The following PKHD1L1 variants were observed in gnomAD, a reference collection of about 807,000 sequenced individuals.
PKHD1L1 encodes the protein fibrocystin-L.
Under a neutral mutation model 462.9 loss-of-function variants are expected in PKHD1L1, and 434 were observed. The ratio of observed to expected loss-of-function variants is 0.94; its 90% CI spans 0.87 to 1.02. The LOEUF is 1.02. PKHD1L1 is among the 50% of genes least tolerant of loss of function. The pLI, the probability that PKHD1L1 is intolerant of heterozygous loss-of-function variation, is 0.00. For synonymous variants in PKHD1L1, 1,781 were observed against 1,750.0 expected (o/e 1.02, Z -0.44); for missense variants, 5,202 against 5,096.1 (o/e 1.02, Z -0.63).
chr8:109,479,623 T>C lies in PKHD1L1; in HGVS notation c.9162T>C (p.Asn3054=). ...NNYTVPHPGA[N]VIIPEGTWIV... is the part of the protein sequence containing the mutation. ...ATACTGTACCTCACCCAGGGGCAAA[T>C]GTGATTATACCTGAAGGTAAATGCG... The change falls in exon 54 of 78, where the codon AAT becomes AAC. Residue 3054 remains asparagine, a synonymous_variant. Transcript: ENST00000378402. 6.6e-7 allele frequency: 1 copy of C among 1,511,362 alleles called. No homozygotes were observed. Among genetic ancestry groups the C allele is most frequent in the Non-Finnish European group, 9.1e-7 (1 of 1,097,674 alleles). 93.6% of individuals were successfully genotyped at this position (1,511,362 alleles called of 1,614,324 possible).
rs779002879 is a variant in PKHD1L1, at chr8:109,466,604, C to T, written c.8440C>T (p.His2814Tyr). The change falls in exon 50 of 78, where the codon CAC (histidine) becomes TAC (tyrosine). Residue 2814 changes from histidine (H) to tyrosine (Y), a missense_variant. This residue lies in a region of PKHD1L1 where 4,497 missense variants were observed against 4,336.8 expected (regional missense o/e 1.04). Coordinates refer to ENST00000378402, the MANE Select transcript of PKHD1L1 (RefSeq NM_177531.6). Reference sequence around the variant, plus strand: ...GCACAAAGGACATACCGTCATTCCACACAGCTCATTGCTAGACCCTTCTCA... The same window carrying T: ...GCACAAAGGACATACCGTCATTCCATACAGCTCATTGCTAGACCCTTCTCA... The part of the protein sequence containing the change: ...TGHKGHTVIP[H>Y]SSLLDPSHCT... The T allele has an allele frequency of 6.2e-7, 1 of 1,604,758 alleles. No individual in the cohort carries two copies. The highest frequency in any genetic ancestry group is 1.7e-5 in the Admixed American group (1 of 58,340).
At chr8:109,480,659 C>G (rs931222178) in intron 55 of PKHD1L1, 1 of 452,238 alleles carries the variant, frequency 2.2e-6, no homozygotes, top group African/African-American at 2.0e-5. Context: ...GCTCGATTGT[C>G]CTGTCAGTCT....
At chr8:109,498,830 G>A (rs1819260576) in intron 67 of PKHD1L1, 59 bp downstream of exon 67, 3 of 1,353,840 alleles carry the variant, frequency 2.2e-6, no homozygotes, top group Non-Finnish European at 3.1e-6. Flanking sequence ...ATATGTAGAG[G>A]ATAACTAATA....
At chr8:109,364,902 C>A (rs1186130315) in intron 2 of PKHD1L1, among the ~76,000 whole-genome samples, 5 of 152,062 alleles carry the variant, frequency 3.3e-5, no homozygotes, top group Admixed American at 6.6e-5. Flanking sequence ...ATGCAATTAA[C>A]CCAACTCAGC....
intron 5 of PKHD1L1, among the ~76,000 whole-genome samples, 156 bp from the exon 6 acceptor site, chr8:109,385,381 C>T (rs1255248058): frequency 1.3e-5 from 2 of 151,664 alleles, no homozygotes; most frequent in Admixed American, 6.6e-5. Flanking sequence ...ATTGTGTTTG[C>T]TAGAACTTTC....
At chr8:109,389,332 G>C (rs1042047148) in intron 8 of PKHD1L1, among the ~76,000 whole-genome samples, 180 bp downstream of exon 8, 2 of 152,010 alleles carry the variant, frequency 1.3e-5, no homozygotes, top group African/African-American at 4.8e-5. Flanking sequence ...GTATGAATCA[G>C]TATTTTCTTA....
Position 109,535,923 on chromosome 8 carries a change from A to C in PKHD1L1, c.*5833A>C, listed in dbSNP as rs1821137342. Among the ~76,000 whole-genome samples, 1 of 152,222 alleles carries C rather than the reference A, an allele frequency of 6.6e-6. No homozygotes were observed. Among genetic ancestry groups the C allele is most frequent in the Non-Finnish European group, 1.5e-5 (1 of 68,042 alleles). ...CCTGGAGAGAGAGGGGAAGGATTGT[A>C]AGTGTCATAGTTCTGACAGCTGCTC... is the stretch of plus-strand genomic sequence containing the variant. On this transcript the variant is annotated 3_prime_UTR_variant, in exon 78 of 78. Coordinates refer to ENST00000378402, the MANE Select transcript of PKHD1L1 (RefSeq NM_177531.6).
intron 32 of PKHD1L1, among the ~76,000 whole-genome samples, 194 bp from the exon 33 acceptor site, chr8:109,440,516 T>C (rs1348820680): frequency 2.0e-5 from 3 of 152,118 alleles, no homozygotes; most frequent in African/African-American, 7.2e-5. Context: ...ATTTTCATAG[T>C]TAGGGAAAAT....
rs755655302 is a variant in PKHD1L1 at position 109,465,017 on chromosome 8, G to T, written c.8185G>T (p.Val2729Phe). The change falls in exon 49 of 78, where the codon GTT (valine) becomes TTT (phenylalanine). Residue 2729 changes from valine to phenylalanine, a missense_variant. Physicochemically the swap from Val to Phe is conservative, Grantham distance 50 (BLOSUM62 -1). Around this residue, in one of 3 missense-constraint regions of PKHD1L1, gnomAD observed 4,497 missense variants for 4,336.8 expected, o/e 1.04. Coordinates refer to ENST00000378402, the MANE Select transcript of PKHD1L1 (RefSeq NM_177531.6). ...GSAFCTAKGLVLPFSEGLTVS... is the reference protein window; with the variant it reads ...GSAFCTAKGLFLPFSEGLTVS... ...TGCATTTTGCACAGCAAAAGGCCTG[G>T]TTCTCCCATTTAGTGAAGGCTTGAC... The T allele has an allele frequency of 8.1e-6, 13 of 1,613,814 alleles. No homozygotes were observed. Among genetic ancestry groups the T allele is most frequent in the Non-Finnish European group, 1.1e-5 (13 of 1,179,790 alleles).
intron 20 of PKHD1L1, among the ~76,000 whole-genome samples, 189 bp from the exon 21 acceptor site, chr8:109,413,232 G>A (rs1293553714): frequency 6.6e-6 from 1 of 152,036 alleles, no homozygotes; most frequent in Non-Finnish European, 1.5e-5. Context: ...ACCTCACTTT[G>A]TCTGTAAAAT....
chr8:109,463,897 A>G (rs1179984909), intron 48 of PKHD1L1, among the ~76,000 whole-genome samples: 1 of 152,204 alleles, frequency 6.6e-6, no homozygotes, highest in African/African-American at 2.4e-5. Context: ...AAAGTAAAGT[A>G]AAAGAGGAAA....
At chr8:109,397,491 T>C (rs1813037625) in intron 11 of PKHD1L1, among the ~76,000 whole-genome samples, 1 of 151,530 alleles carries the variant, frequency 6.6e-6, no homozygotes, top group Admixed American at 6.6e-5. Flanking sequence ...GACTAGGTAA[T>C]GCAGAGAGAT....
chr8:109,438,538 T>C (rs1374121504), intron 31 of PKHD1L1, 82 bp downstream of exon 31: 6 of 1,316,926 alleles, frequency 4.6e-6, no homozygotes, highest in Non-Finnish European at 6.1e-6. Context: ...CATAGTTTCT[T>C]CTGTAGTTTT....
chr8:109,364,445 A>G lies in PKHD1L1; in HGVS notation c.74-102A>G, dbSNP rs1811127204. 10 of 816,326 alleles carry G rather than the reference A, an allele frequency of 1.2e-5. No homozygotes were observed. In the South Asian group the frequency reaches 1.3e-4, roughly 10 times the overall value. The allele number at this position is 816,326 out of a possible 1,614,324, so 50.6% of individuals were successfully genotyped here. A position where few individuals can be genotyped will look rare whatever the true frequency, so the allele number is the denominator to read the frequency against. On this transcript the variant is annotated intron_variant, in intron 1 of 77. Transcript: ENST00000378402. ...TTTTACTTTCAATCCTGTAAACTTC[A>G]TAATGTTTTCCTTGCAACCTTGTGG...
chr8:109,471,074 A>T, intron 50 of PKHD1L1: 2 of 1,567,518 alleles, frequency 1.3e-6, no homozygotes, highest in Non-Finnish European at 1.8e-6. Flanking sequence ...TTCTCCTCAA[A>T]TTCCTCATCA....
chr8:109,402,076 G>A (rs1235146833), intron 14 of PKHD1L1, among the ~76,000 whole-genome samples: 1 of 152,112 alleles, frequency 6.6e-6, no homozygotes, highest in African/African-American at 2.4e-5. Context: ...TTCATTTAGT[G>A]TTGAAAGGTC....
intron 38 of PKHD1L1, among the ~76,000 whole-genome samples, chr8:109,446,993 G>A (rs1179616622): frequency 2.6e-5 from 4 of 152,178 alleles, no homozygotes; most frequent in African/African-American, 2.4e-5. Flanking sequence ...GGAGGCTGAG[G>A]CTGGCGGATT....
chr8:109,396,265 T>C (rs1467774359), intron 11 of PKHD1L1, 128 bp downstream of exon 11: 3 of 699,342 alleles, frequency 4.3e-6, no homozygotes, highest in South Asian at 3.9e-5. Context: ...TATTTTCACA[T>C]AGTCATTTGG....
At chr8:109,448,466 TA>T (rs1816288325) in intron 39 of PKHD1L1, 75 bp downstream of exon 39, 2 of 1,389,682 alleles carry the variant, frequency 1.4e-6, no homozygotes, top group Admixed American at 5.5e-5. Flanking sequence ...ATTTAGAAAA[TA>T]ATATGTTACT....
Sources: gnomAD v4.1 joint callset for allele counts (sites outside exome capture counted in the v4.1 genomes callset) on GRCh38, gnomAD v4.1.1 for gene constraint, gnomAD v4.1.1 regional missense constraint, MANE v1.5 for transcripts, NCBI Gene and HGNC (gene_info 2026-07-23, HGNC 2026-07-21) for gene names.